The following PTPRD variants were observed in gnomAD, a reference collection of about 807,000 sequenced individuals.
The protein encoded by PTPRD is protein tyrosine phosphatase receptor type D.
PTPRD carries 34 observed loss-of-function variants against 214.5 expected under a neutral mutation model. The ratio of observed to expected loss-of-function variants is 0.16; its 90% CI spans 0.12 to 0.21. The LOEUF (loss-of-function observed/expected upper bound fraction) is 0.21, where lower values mean the gene tolerates loss of function less well. Ranked by LOEUF, PTPRD falls within the 10% of genes least tolerant of loss-of-function variation. The pLI is 1.00. For synonymous variants in PTPRD, 1,128 were observed against 845.7 expected (o/e 1.33, Z -5.79); for missense variants, 2,545 against 2,398.7 (o/e 1.06, Z -1.27).
At chr9:9,766,314 G>A (rs1243640279) in intron 6 of PTPRD, among the ~76,000 whole-genome samples, 10 of 152,008 alleles carry the variant, frequency 6.6e-5, no homozygotes, top group East Asian at 5.8e-4. Flanking sequence ...CATGTAGTAC[G>A]TTTATATACT....
chr9:10,121,340 T>G (rs2098773683), intron 3 of PTPRD, among the ~76,000 whole-genome samples: 1 of 152,156 alleles, frequency 6.6e-6, no homozygotes, highest in Admixed American at 6.6e-5. Context: ...ACATTTCAAT[T>G]TGGAAGCAGA....
At chr9:9,930,109 C>T (rs139450593) in intron 5 of PTPRD, among the ~76,000 whole-genome samples, 5 of 152,276 alleles carry the variant, frequency 3.3e-5, no homozygotes, top group African/African-American at 1.2e-4. Flanking sequence ...GGGCTGGGAG[C>T]TCCAGGAGTA....
At chr9:10,238,873 C>G (rs2099637608) in intron 3 of PTPRD, among the ~76,000 whole-genome samples, 1 of 151,796 alleles carries the variant, frequency 6.6e-6, no homozygotes, top group Admixed American at 6.6e-5. Context: ...AGTACTACTT[C>G]CTAGGGGAGA....
intron 10 of PTPRD, among the ~76,000 whole-genome samples, chr9:9,089,643 C>T (rs557369): frequency 0.48 from 72,381 of 152,000 alleles, 18,626 homozygotes; most frequent in Non-Finnish European, 0.59. Flanking sequence ...TAAAATCCTG[C>T]TTGCCTATTT....
intron 12 of PTPRD, among the ~76,000 whole-genome samples, chr9:8,710,110 T>A (rs1429651551): frequency 1.3e-5 from 2 of 152,198 alleles, no homozygotes; most frequent in Non-Finnish European, 2.9e-5. Context: ...TGCACGCACA[T>A]CCTAAGTGCC....
At chr9:8,587,599 T>G (rs2154260481) in intron 14 of PTPRD, among the ~76,000 whole-genome samples, 1 of 152,216 alleles carries the variant, frequency 6.6e-6, no homozygotes, top group Non-Finnish European at 1.5e-5. Context: ...AAAGCTGAAT[T>G]TGGAAAAAAA....
chr9:9,341,226 T>A (rs565216880), intron 9 of PTPRD, among the ~76,000 whole-genome samples: 1 of 152,186 alleles, frequency 6.6e-6, no homozygotes, highest in African/African-American at 2.4e-5. Flanking sequence ...CCACCAGCCT[T>A]TCTTCCTTTC....
intron 39 of PTPRD, among the ~76,000 whole-genome samples, chr9:8,368,094 C>G (rs1302620999): frequency 6.6e-6 from 1 of 152,132 alleles, no homozygotes; most frequent in African/African-American, 2.4e-5. Flanking sequence ...TAGGAGCCAT[C>G]TCATTTGTAG....
At chr9:10,336,383 A>T (rs915693519) in intron 3 of PTPRD, among the ~76,000 whole-genome samples, 1 of 151,676 alleles carries the variant, frequency 6.6e-6, no homozygotes, top group Non-Finnish European at 1.5e-5. Flanking sequence ...TACCGGAAGG[A>T]AACGAGCATG....
chr9:9,868,941 A>G (rs1048576217), intron 5 of PTPRD, among the ~76,000 whole-genome samples: 4 of 152,122 alleles, frequency 2.6e-5, no homozygotes, highest in African/African-American at 9.7e-5. Flanking sequence ...ACAAGGAAAA[A>G]AAAGAATATT....
At chr9:9,994,052 C>G (rs1257888927) in intron 4 of PTPRD, among the ~76,000 whole-genome samples, 1 of 152,046 alleles carries the variant, frequency 6.6e-6, no homozygotes, top group Admixed American at 6.6e-5. Flanking sequence ...CCCCATTGTA[C>G]AAATAAGAAA....
At chr9:8,584,793 AACTG>A (rs1594571142) in intron 14 of PTPRD, among the ~76,000 whole-genome samples, 3 of 152,342 alleles carry the variant, frequency 2.0e-5, no homozygotes, top group African/African-American at 7.2e-5. Flanking sequence ...AAAGAGGTTT[AACTG>A]ACTAACAGTT....
At chr9:10,349,733 T>C (rs1028594467) in intron 2 of PTPRD, among the ~76,000 whole-genome samples, 1 of 152,314 alleles carries the variant, frequency 6.6e-6, no homozygotes, top group African/African-American at 2.4e-5. Flanking sequence ...AAAATCACCT[T>C]TGGTAGGCTG....
chr9:9,262,180 TTC>T (rs2099980423), intron 9 of PTPRD, among the ~76,000 whole-genome samples: 1 of 151,588 alleles, frequency 6.6e-6, no homozygotes, highest in Non-Finnish European at 1.5e-5. Context: ...TAAAAAATAC[TTC>T]TTTTAAAAAT....
At chr9:9,360,433 A>T in intron 9 of PTPRD, among the ~76,000 whole-genome samples, 1 of 151,228 alleles carries the variant, frequency 6.6e-6, no homozygotes, top group South Asian at 2.1e-4. Context: ...AAGCAAATTT[A>T]TACTAAACTC....
At chr9:9,552,358 T>G (rs551005250) in intron 8 of PTPRD, among the ~76,000 whole-genome samples, 9 of 152,194 alleles carry the variant, frequency 5.9e-5, no homozygotes, top group African/African-American at 2.2e-4. Flanking sequence ...ATTTTCTATA[T>G]TTAGTCATAT....
chr9:8,734,028 T>A, intron 11 of PTPRD, 82 bp from the exon 12 acceptor site: 1 of 612,630 alleles, frequency 1.6e-6, no homozygotes, highest in Non-Finnish European at 2.9e-6. Context: ...CCTGGTTCCA[T>A]CACAATCACC....
In PTPRD at chr9:9,629,238, G is replaced by GTGTATATATATATATATATATA. The variant is rs149327972; in HGVS notation, c.-286-54458_-286-54457insTATATATATATATATATATACA. ...TGGGGAGATATATATGTGTGTGTGT[G>GTGTATATATATATATATATATA]TATATATATATATATATATGAACAC... On this transcript the variant is annotated intron_variant, in intron 7 of 45. Coordinates refer to ENST00000381196, the MANE Select transcript of PTPRD (RefSeq NM_002839.4). 3.6e-3 allele frequency among the ~76,000 whole-genome samples: 499 copies of GTGTATATATATATATATATATA among 140,234 alleles called. 3 individuals are homozygous for GTGTATATATATATATATATATA. Among genetic ancestry groups the GTGTATATATATATATATATATA allele is most frequent in the Middle Eastern group, 7.6e-3 (2 of 262 alleles). 92.0% of individuals were successfully genotyped at this position (140,234 alleles called of 152,430 possible). A position where few individuals can be genotyped will look rare whatever the true frequency, so the allele number is the denominator to read the frequency against.
At chr9:8,812,972 G>A (rs987460072) in intron 11 of PTPRD, among the ~76,000 whole-genome samples, 7 of 151,818 alleles carry the variant, frequency 4.6e-5, no homozygotes, top group East Asian at 1.9e-4. Flanking sequence ...ATTTATATTC[G>A]GATTTTTACA....
Sources: gnomAD v4.1 joint callset for allele counts (sites outside exome capture counted in the v4.1 genomes callset) on GRCh38, gnomAD v4.1.1 for gene constraint, MANE v1.5 for transcripts, NCBI Gene and HGNC (gene_info 2026-07-23, HGNC 2026-07-21) for gene names.